Variants in SERTM1 observed in about 807,000 individuals in gnomAD.
The protein encoded by SERTM1 is serine rich and transmembrane domain containing 1.
Under a neutral mutation model 5.5 loss-of-function variants are expected in SERTM1, and 1 was observed. The ratio of observed to expected loss-of-function variants is 0.18; its 90% confidence interval spans 0.06 to 0.86. The LOEUF is 0.86. SERTM1 is among the 40% of genes least tolerant of loss of function. The pLI is 0.69. For missense variants in SERTM1, 91 were observed against 122.4 expected, an observed-to-expected ratio of 0.74 and a Z score of 1.21; for synonymous variants, 52 against 55.1, an observed-to-expected ratio of 0.94 and a Z score of 0.25.
chr13:36,689,695 CTCAA>C (rs1484620688), intron 1 of SERTM1, among the ~76,000 whole-genome samples: 2 of 150,370 alleles, frequency 1.3e-5, no homozygotes, highest in Non-Finnish European at 3.0e-5. Context: ...TTTAGTTTCC[CTCAA>C]TCAACTCTGT....
At chr13:36,690,976 CACA>C (rs1005586309) in intron 1 of SERTM1, among the ~76,000 whole-genome samples, 5 of 152,150 alleles carry the variant, frequency 3.3e-5, no homozygotes, top group Admixed American at 2.0e-4. Flanking sequence ...CCCAGTTTTC[CACA>C]ACAACAACAA....
Position 36,695,975 on chromosome 13 carries a change from TG to T in SERTM1, c.*574del, listed in dbSNP as rs767537590. ...TTTAACAAGTAAAAATCACACTTATTGATGAATGTAAGTCATTTGGGAAAGT... is the reference window on the plus strand; with the variant it reads ...TTTAACAAGTAAAAATCACACTTATTATGAATGTAAGTCATTTGGGAAAGT... On this transcript the variant is annotated 3_prime_UTR_variant, in exon 2 of 2. Coordinates refer to ENST00000315190, the MANE Select transcript of SERTM1 (RefSeq NM_203451.3). 7 of 167,212 alleles carry T rather than the reference TG, an allele frequency of 4.2e-5. No individual in the cohort carries two copies. The highest frequency in any genetic ancestry group is 7.3e-5 in the Non-Finnish European group (5 of 68,240). The allele number at this position is 167,212 out of a possible 1,614,324, so 10.4% of individuals were successfully genotyped here.
chr13:36,687,100 T>C (rs2056746190), intron 1 of SERTM1, among the ~76,000 whole-genome samples: 1 of 152,220 alleles, frequency 6.6e-6, no homozygotes, highest in South Asian at 2.1e-4. Context: ...ACTTGGCTAA[T>C]ATCTGGATGA....
At chr13:36,693,621 G>C (rs1362110302) in intron 1 of SERTM1, among the ~76,000 whole-genome samples, 1 of 152,136 alleles carries the variant, frequency 6.6e-6, no homozygotes. Context: ...CATTAGTGCT[G>C]TTCAGCTCCA....
chr13:36,683,691 C>T (rs2056721040), intron 1 of SERTM1, among the ~76,000 whole-genome samples: 2 of 152,168 alleles, frequency 1.3e-5, no homozygotes, highest in Non-Finnish European at 2.9e-5. Flanking sequence ...AAGTCTCACA[C>T]TAGGTCTTAC....
intron 1 of SERTM1, among the ~76,000 whole-genome samples, chr13:36,676,802 C>T (rs2056672577): frequency 6.6e-6 from 1 of 151,850 alleles, no homozygotes; most frequent in African/African-American, 2.4e-5. Flanking sequence ...ATAATGAGAG[C>T]TAAAAATAAT....
In SERTM1 at chr13:36,695,205, A is replaced by G. The variant is rs1211375907; in HGVS notation, c.127A>G (p.Ile43Val). Residue 43 changes from isoleucine to valine, a missense_variant, in exon 2 of 2, where the codon ATC (isoleucine) becomes GTC (valine). By Grantham distance (29) the Ile-to-Val change is conservative (BLOSUM62 3). Transcript: ENST00000315190. ...PSSGHLSNVY[I>V]YVSIFLSLLA... The stretch of plus-strand genomic sequence containing the variant: ...CTCAGGCCACCTGTCAAACGTCTAC[A>G]TCTATGTGTCCATATTCCTCAGCCT... 4 of 1,614,208 alleles carry G rather than the reference A, an allele frequency of 2.5e-6. No homozygotes were observed. The highest frequency in any genetic ancestry group is 3.4e-6 in the Non-Finnish European group (4 of 1,180,032).
chr13:36,683,937 C>A (rs144126119), intron 1 of SERTM1, among the ~76,000 whole-genome samples: 1 of 152,174 alleles, frequency 6.6e-6, no homozygotes, highest in Admixed American at 6.5e-5. Flanking sequence ...AATTTGGAGA[C>A]GGAGAGATGT....
At chr13:36,693,344 C>A (rs570399655) in intron 1 of SERTM1, among the ~76,000 whole-genome samples, 1 of 152,086 alleles carries the variant, frequency 6.6e-6, no homozygotes, top group Admixed American at 6.5e-5. Context: ...CTAGGTATTG[C>A]CAAAACAGTG....
At position 36,674,182 on chromosome 13, in the gene SERTM1, C is replaced by A. The variant is rs1310349311; in HGVS notation, c.-176C>A. 1.3e-5 allele frequency: 2 copies of A among 152,222 alleles called. No individual in the cohort carries two copies. The highest frequency in any genetic ancestry group is 2.9e-5 in the Non-Finnish European group (2 of 68,104). 9.4% of individuals were successfully genotyped at this position (152,222 alleles called of 1,614,324 possible). A position where few individuals can be genotyped will look rare whatever the true frequency, so the allele number is the denominator to read the frequency against. On this transcript the variant is annotated splice_region_variant and 5_prime_UTR_variant, in exon 1 of 2. Transcript: ENST00000315190. ...CGGGGAAGTCGCGTGTCCTGACCTG[C>A]AGGTCAGTGAGGGAAACTTGCAGGG...
Position 36,695,284 on chromosome 13 carries a change from T to C in SERTM1, c.206T>C (p.Ile69Thr). ...ATTGCCCTCCAGAGGCTCAAAAATA[T>C]CATCTCCTCCAGTTCCTCCTACCCA... ...LIIALQRLKN[I>T]ISSSSSYPEY... The change falls in exon 2 of 2, where the codon ATC becomes ACC. Residue 69 changes from isoleucine to threonine, a missense_variant. Physicochemically the swap from Ile to Thr is moderately conservative, Grantham distance 89. Transcript: ENST00000315190. 6.2e-7 allele frequency: 1 copy of C among 1,614,160 alleles called. No individual in the cohort carries two copies. The highest frequency in any genetic ancestry group is 1.1e-5 in the South Asian group (1 of 91,078).
intron 1 of SERTM1, among the ~76,000 whole-genome samples, chr13:36,677,920 A>G (rs1357886393): frequency 6.6e-6 from 1 of 152,196 alleles, no homozygotes; most frequent in African/African-American, 2.4e-5. Flanking sequence ...GCTACCTCCA[A>G]GTACATTTAA....
Position 36,695,538 on chromosome 13 carries a change from C to A in SERTM1, c.*136C>A, listed in dbSNP as rs9603083. On this transcript the variant is annotated 3_prime_UTR_variant, in exon 2 of 2. Transcript: ENST00000315190. ...TCTCCTTCTCCTTTTTCTCTGATTT[C>A]TTTTCTGTTCATGATGCTTTTCATT... 41,454 of 677,986 alleles carry A rather than the reference C, an allele frequency of 0.061. 1,411 individuals are homozygous for A. The highest frequency in any genetic ancestry group is 0.095 in the African/African-American group (5,212 of 55,084). 42.0% of individuals were successfully genotyped at this position (677,986 alleles called of 1,614,324 possible).
chr13:36,697,367 T>G lies in SERTM1; in HGVS notation c.*1965T>G, dbSNP rs1262378121. 1 of 164,536 alleles carries G rather than the reference T, an allele frequency of 6.1e-6. No individual in the cohort carries two copies. Among genetic ancestry groups the G allele is most frequent in the Non-Finnish European group, 1.5e-5 (1 of 67,810 alleles). The allele number at this position is 164,536 out of a possible 1,614,324, so 10.2% of individuals were successfully genotyped here. On this transcript the variant is annotated 3_prime_UTR_variant, in exon 2 of 2. Coordinates refer to ENST00000315190, the MANE Select transcript of SERTM1 (RefSeq NM_203451.3). ...CACATACTCCCAATTAAAAGTCGTG[T>G]GAAAGCTACACAGGATTACAGAGGC...
chr13:36,697,220 G>A lies in SERTM1; in HGVS notation c.*1818G>A, dbSNP rs1188410996. ...GGTGTCATTATGTAGTATAAAAACT[G>A]GACTAGATAAACTGCTATTTTAGAG... On this transcript the variant is annotated 3_prime_UTR_variant, in exon 2 of 2. Transcript: ENST00000315190. 1.2e-5 allele frequency: 2 copies of A among 165,104 alleles called. No individual in the cohort carries two copies. Among genetic ancestry groups the A allele is most frequent in the African/African-American group, 4.9e-5 (2 of 40,736 alleles). 10.2% of individuals were successfully genotyped at this position (165,104 alleles called of 1,614,324 possible). A position where few individuals can be genotyped will look rare whatever the true frequency, so the allele number is the denominator to read the frequency against.
At chr13:36,679,377 T>G (rs1399336560) in intron 1 of SERTM1, among the ~76,000 whole-genome samples, 1 of 152,046 alleles carries the variant, frequency 6.6e-6, no homozygotes, top group Non-Finnish European at 1.5e-5. Flanking sequence ...CTTAGTCAAT[T>G]TTTTTGTTTG....
chr13:36,685,957 T>A (rs2056738349), intron 1 of SERTM1, among the ~76,000 whole-genome samples: 1 of 152,196 alleles, frequency 6.6e-6, no homozygotes, highest in African/African-American at 2.4e-5. Context: ...ATTAGAAAAC[T>A]GCTAGTCCCA....
intron 1 of SERTM1, among the ~76,000 whole-genome samples, chr13:36,691,525 C>T (rs374648260): frequency 2.0e-5 from 3 of 152,266 alleles, no homozygotes; most frequent in African/African-American, 7.2e-5. Context: ...AGCTGGTTGA[C>T]CATGAGCTAA....
chr13:36,680,321 C>T (rs1025027425), intron 1 of SERTM1, among the ~76,000 whole-genome samples: 2 of 152,144 alleles, frequency 1.3e-5, no homozygotes, highest in Non-Finnish European at 2.9e-5. Context: ...CAAGTGTCGC[C>T]TTATTATCCC....
Sources: allele counts gnomAD v4.1 joint callset (sites outside exome capture counted in the v4.1 genomes callset), GRCh38; gene constraint gnomAD v4.1.1; transcripts MANE v1.5; gene names NCBI Gene and HGNC (gene_info 2026-07-23, HGNC 2026-07-21).